Variants in IL16 observed in about 807,000 individuals in gnomAD.
The protein encoded by IL16 is interleukin 16.
IL16 carries 67 observed loss-of-function variants against 110.1 expected under a neutral mutation model. The observed-to-expected ratio is 0.61, with a 90% CI of 0.50 to 0.75. The LOEUF is 0.75. Among genes scored for constraint, IL16 ranks in the 30% least tolerant of loss-of-function variants. The pLI, the probability that IL16 is intolerant of heterozygous loss-of-function variation, is 0.00. For synonymous variants in IL16, 689 were observed against 662.9 expected (o/e 1.04, Z -0.61); for missense variants, 1,545 against 1,655.0 (o/e 0.93, Z 1.15).
chr15:81,185,772 G>A (rs908188626), intron 1 of IL16, among the ~76,000 whole-genome samples: 18 of 152,316 alleles, frequency 1.2e-4, no homozygotes, highest in Admixed American at 4.6e-4. Flanking sequence ...GCAGATCAGC[G>A]TGGGGCTTCC....
intron 2 of IL16, among the ~76,000 whole-genome samples, chr15:81,228,803 C>T (rs1896876558): frequency 6.6e-6 from 1 of 152,090 alleles, no homozygotes; most frequent in Non-Finnish European, 1.5e-5. Context: ...GGTGTGTGGG[C>T]TCATTAATCT....
intron 1 of IL16, chr15:81,183,030 T>G: frequency 2.1e-6 from 1 of 466,082 alleles, no homozygotes; most frequent in Non-Finnish European, 4.0e-6. Flanking sequence ...AGTGAGTGTG[T>G]GTGTGCACAC....
At chr15:81,263,598 C>T (rs985868016) in intron 3 of IL16, among the ~76,000 whole-genome samples, 1 of 152,194 alleles carries the variant, frequency 6.6e-6, no homozygotes. Context: ...TCTGCGTCCC[C>T]ACAGATCTGA....
intron 6 of IL16, among the ~76,000 whole-genome samples, chr15:81,275,510 T>G (rs1198492476): frequency 1.3e-5 from 2 of 151,684 alleles, no homozygotes; most frequent in Admixed American, 1.3e-4. Context: ...TGCCATCATG[T>G]GTTTTATTAT....
chr15:81,213,886 G>A (rs963876738), intron 1 of IL16, among the ~76,000 whole-genome samples: 4 of 152,128 alleles, frequency 2.6e-5, no homozygotes, highest in Non-Finnish European at 4.4e-5. Flanking sequence ...TACAAGGTTA[G>A]TATTGATATG....
intron 6 of IL16, among the ~76,000 whole-genome samples, chr15:81,275,858 A>C (rs935631361): frequency 1.3e-5 from 2 of 152,206 alleles, no homozygotes; most frequent in African/African-American, 2.4e-5. Flanking sequence ...CAAGGCTACT[A>C]ATGTTTTACT....
rs1335286153 is a variant in IL16, at chr15:81,273,093, C to A, written c.679C>A (p.Leu227Met). 6.2e-7 allele frequency: 1 copy of A among 1,612,200 alleles called. No individual in the cohort carries two copies. The highest frequency in any genetic ancestry group is 1.3e-5 in the African/African-American group (1 of 74,854). Residue 227 changes from leucine (L) to methionine (M), a missense_variant, in exon 6 of 19, where the codon CTG becomes ATG. By Grantham distance (15) the Leu-to-Met change is conservative. Coordinates refer to ENST00000683961, the MANE Select transcript of IL16 (RefSeq NM_172217.5). ...IVLMKGQAKG[L>M]GFSIVGGKDS... ...GACCTTCTCTTTTTTTCCCCAGGGTCTGGGCTTCAGCATCGTTGGGGGAAA... is the reference window on the plus strand; with the variant it reads ...GACCTTCTCTTTTTTTCCCCAGGGTATGGGCTTCAGCATCGTTGGGGGAAA...
intron 1 of IL16, among the ~76,000 whole-genome samples, chr15:81,198,342 C>T (rs1278441454): frequency 1.3e-5 from 2 of 152,124 alleles, no homozygotes; most frequent in East Asian, 3.9e-4. Flanking sequence ...GAGGCTTGCA[C>T]AGGACCACTC....
intron 16 of IL16, among the ~76,000 whole-genome samples, chr15:81,304,692 A>G (rs1357176706): frequency 6.6e-6 from 1 of 152,122 alleles, no homozygotes; most frequent in Non-Finnish European, 1.5e-5. Context: ...TCCTCCTTTA[A>G]TTAACTTTAA....
chr15:81,306,235 A>T (rs1900550305), intron 17 of IL16, 69 bp downstream of exon 17: 6 of 1,566,156 alleles, frequency 3.8e-6, no homozygotes, highest in Non-Finnish European at 5.2e-6. Flanking sequence ...GCCAGACCTG[A>T]TGGGGCTACT....
intron 2 of IL16, among the ~76,000 whole-genome samples, chr15:81,228,265 G>GC (rs1477245675): frequency 1.3e-5 from 2 of 152,174 alleles, no homozygotes; most frequent in South Asian, 2.1e-4. Flanking sequence ...AGGGACCCGG[G>GC]CAGGGGAAAG....
chr15:81,249,905 A>G (rs1897706771), intron 2 of IL16, among the ~76,000 whole-genome samples: 2 of 152,074 alleles, frequency 1.3e-5, no homozygotes, highest in East Asian at 3.9e-4. Flanking sequence ...ATATATTCCA[A>G]TTCTTTCATC....
chr15:81,199,030 A>ATATATATAT (rs1555411598), intron 1 of IL16, among the ~76,000 whole-genome samples: 13 of 104,192 alleles, frequency 1.2e-4, no homozygotes, highest in Non-Finnish European at 2.1e-4. Context: ...AAAAAAAAAA[A>ATATATATAT]ATATATATAT....
At position 81,301,476 on chromosome 15, in the gene IL16, C is replaced by T. The variant is rs374251801; in HGVS notation, c.3282C>T (p.Ile1094=). Residue 1094 remains isoleucine (I), a synonymous_variant, in exon 15 of 19, where the codon ATC becomes ATT. Coordinates refer to ENST00000683961, the MANE Select transcript of IL16 (RefSeq NM_172217.5). The stretch of plus-strand genomic sequence containing the variant: ...GCTCAGAAGAATTAAAAAAACTCAT[C>T]GAGGAGGTGAAGGTTCTGGATGAAG... The part of the protein sequence containing the change: ...LLSSEELKKL[I]EEVKVLDEAT... 3.2e-5 allele frequency: 52 copies of T among 1,613,894 alleles called. No individual in the cohort carries two copies. The highest frequency in any genetic ancestry group is 4.2e-5 in the Non-Finnish European group (49 of 1,179,982).
chr15:81,295,746 T>C (rs893847633), intron 12 of IL16, among the ~76,000 whole-genome samples: 1 of 152,266 alleles, frequency 6.6e-6, no homozygotes, highest in African/African-American at 2.4e-5. Context: ...GGCAATGCTC[T>C]GTGAATACAC....
intron 1 of IL16, among the ~76,000 whole-genome samples, chr15:81,209,908 G>C (rs2141986826): frequency 6.6e-6 from 1 of 152,336 alleles, no homozygotes; most frequent in East Asian, 1.9e-4. Context: ...TGTTGCAATT[G>C]CTTTTGGGGA....
At chr15:81,261,431 G>A (rs1389875231) in intron 3 of IL16, among the ~76,000 whole-genome samples, 1 of 152,180 alleles carries the variant, frequency 6.6e-6, no homozygotes, top group Admixed American at 6.5e-5. Context: ...CATCAATGGA[G>A]GACTGGCAGG....
At chr15:81,248,719 CTT>C (rs61480285) in intron 2 of IL16, among the ~76,000 whole-genome samples, 5 of 112,214 alleles carry the variant, frequency 4.5e-5, no homozygotes, top group African/African-American at 1.0e-4. Context: ...TTCTTTCTTT[CTT>C]TTTTTTTTTT....
At chr15:81,200,142 A>G (rs1895757334) in intron 1 of IL16, among the ~76,000 whole-genome samples, 2 of 152,078 alleles carry the variant, frequency 1.3e-5, no homozygotes, top group Admixed American at 6.5e-5. Flanking sequence ...TAGCAAAATC[A>G]TATTTTATAT....
Sources: gnomAD v4.1 joint callset for allele counts (sites outside exome capture counted in the v4.1 genomes callset) on GRCh38, gnomAD v4.1.1 for gene constraint, MANE v1.5 for transcripts, NCBI Gene and HGNC (gene_info 2026-07-23, HGNC 2026-07-21) for gene names.